DPYD: variants seen among roughly 807,000 people sequenced by gnomAD.
DPYD encodes dihydropyrimidine dehydrogenase.
In DPYD, 109 loss-of-function variants were observed where a neutral mutation model predicts 116.2. The ratio of observed to expected loss-of-function variants is 0.94; its 90% CI spans 0.80 to 1.10. The LOEUF (loss-of-function observed/expected upper bound fraction) is 1.10, where lower values mean the gene tolerates loss of function less well. Ranked by LOEUF, DPYD falls within the 50% of genes least tolerant of loss-of-function variation. DPYD has a pLI of 0.00. For synonymous variants in DPYD, 440 were observed against 432.0 expected (o/e 1.02, Z -0.23); for missense variants, 1,302 against 1,254.5 (o/e 1.04, Z -0.57).
intron 3 of DPYD, chr1:97,797,086 T>C (rs1479660854): frequency 6.6e-6 from 1 of 152,096 alleles, no homozygotes; most frequent in African/African-American, 2.4e-5. Flanking sequence ...ATGATCAAAT[T>C]GCCAGTTTAT....
intron 3 of DPYD, among the ~76,000 whole-genome samples, chr1:97,806,096 G>T (rs1024953415): frequency 1.1e-4 from 16 of 151,808 alleles, no homozygotes; most frequent in African/African-American, 3.9e-4. Context: ...CAATCTAACT[G>T]ATATTTATAG....
intron 16 of DPYD, among the ~76,000 whole-genome samples, chr1:97,348,839 A>C (rs1044061873): frequency 6.6e-6 from 1 of 152,266 alleles, no homozygotes; most frequent in Non-Finnish European, 1.5e-5. Flanking sequence ...ATGAAGGGGA[A>C]TATTGATCCA....
intron 20 of DPYD, 43 bp downstream of exon 20, chr1:97,193,026 A>C (rs755740762): frequency 1.9e-6 from 3 of 1,604,890 alleles, no homozygotes; most frequent in Non-Finnish European, 2.6e-6. Context: ...ATAGAAACCA[A>C]GGCTGAGTTC....
chr1:97,623,999 A>T (rs1049473469), intron 8 of DPYD, among the ~76,000 whole-genome samples: 1 of 152,070 alleles, frequency 6.6e-6, no homozygotes, highest in Non-Finnish European at 1.5e-5. Flanking sequence ...ATACTGAAAC[A>T]TAAAACCAGA....
intron 7 of DPYD, among the ~76,000 whole-genome samples, chr1:97,682,095 GA>G (rs1436868164): frequency 6.6e-6 from 1 of 151,994 alleles, no homozygotes; most frequent in Non-Finnish European, 1.5e-5. Flanking sequence ...ACAGCAGAGT[GA>G]AAATGTCTTT....
At chr1:97,461,060 G>T (rs1001618743) in intron 13 of DPYD, among the ~76,000 whole-genome samples, 1 of 150,584 alleles carries the variant, frequency 6.6e-6, no homozygotes, top group Non-Finnish European at 1.5e-5. Flanking sequence ...AAAGAAAGAA[G>T]CGATCACACT....
chr1:97,738,312 C>T (rs892201410), intron 4 of DPYD, among the ~76,000 whole-genome samples: 1 of 152,054 alleles, frequency 6.6e-6, no homozygotes, highest in African/African-American at 2.4e-5. Context: ...CTGCACAAAC[C>T]AAACAGAGAA....
chr1:97,418,314 T>G (rs970737325), intron 14 of DPYD, among the ~76,000 whole-genome samples: 1 of 151,644 alleles, frequency 6.6e-6, no homozygotes, highest in Non-Finnish European at 1.5e-5. Flanking sequence ...TGATTTTTTT[T>G]TTTTTTTTGA....
intron 5 of DPYD, among the ~76,000 whole-genome samples, chr1:97,713,189 C>T (rs185428467): frequency 2.5e-4 from 38 of 151,980 alleles, no homozygotes; most frequent in Admixed American, 1.8e-3. Context: ...TTTATACTAC[C>T]CTATATTATG....
At chr1:97,534,437 C>T (rs1234192158) in intron 12 of DPYD, among the ~76,000 whole-genome samples, 1 of 152,076 alleles carries the variant, frequency 6.6e-6, no homozygotes, top group Non-Finnish European at 1.5e-5. Context: ...AAAAGAACAT[C>T]ATGAGGAAAA....
intron 16 of DPYD, among the ~76,000 whole-genome samples, chr1:97,317,792 C>G (rs1667950216): frequency 6.6e-6 from 1 of 151,908 alleles, no homozygotes; most frequent in Admixed American, 6.6e-5. Flanking sequence ...CGCTTCTGTC[C>G]TGGGAATGTT....
chr1:97,871,637 T>C (rs1001678472), intron 2 of DPYD, among the ~76,000 whole-genome samples: 3 of 151,318 alleles, frequency 2.0e-5, no homozygotes, highest in African/African-American at 2.4e-5. Context: ...TATGCAAATA[T>C]AAGACAGTGC....
At chr1:97,564,581 T>C (rs1652387158) in intron 11 of DPYD, among the ~76,000 whole-genome samples, 1 of 152,116 alleles carries the variant, frequency 6.6e-6, no homozygotes, top group Admixed American at 6.6e-5. Flanking sequence ...CCTGCTTCAG[T>C]TGTTCAATAG....
At chr1:97,532,776 A>C (rs1014980631) in intron 12 of DPYD, among the ~76,000 whole-genome samples, 1 of 151,878 alleles carries the variant, frequency 6.6e-6, no homozygotes, top group East Asian at 1.9e-4. Context: ...TCAGATAACA[A>C]ATTGTCAATT....
intron 5 of DPYD, among the ~76,000 whole-genome samples, chr1:97,714,655 C>CAAAAAAAA (rs1193831747): frequency 7.2e-4 from 36 of 49,888 alleles, no homozygotes; most frequent in East Asian, 2.0e-3. Context: ...AAAGAAAAGA[C>CAAAAAAAA]AAAAAAAAAA....
intron 14 of DPYD, among the ~76,000 whole-genome samples, chr1:97,384,733 T>G (rs1672217285): frequency 6.6e-6 from 1 of 151,576 alleles, no homozygotes; most frequent in Non-Finnish European, 1.5e-5. Flanking sequence ...GAGAAGCAAT[T>G]AAAAAGAAGG....
chr1:97,278,258 C>A (rs1425432937), intron 18 of DPYD, among the ~76,000 whole-genome samples: 2 of 152,158 alleles, frequency 1.3e-5, no homozygotes, highest in Non-Finnish European at 2.9e-5. Context: ...TACTCAGGGG[C>A]TTCATCTCAT....
intron 19 of DPYD, among the ~76,000 whole-genome samples, chr1:97,206,672 A>T (rs1246240623): frequency 9.7e-6 from 1 of 103,224 alleles, no homozygotes; most frequent in Admixed American, 9.7e-5. Flanking sequence ...ATATATATAT[A>T]TATATATATA....
chr1:97,323,400 ATG>A (rs1570522202), intron 16 of DPYD, among the ~76,000 whole-genome samples: 2 of 38,522 alleles, frequency 5.2e-5, no homozygotes, highest in East Asian at 6.3e-4. Context: ...ATGTATACAT[ATG>A]TGTATATGTA....
Sources: allele counts gnomAD v4.1 joint callset (sites outside exome capture counted in the v4.1 genomes callset), GRCh38; gene constraint gnomAD v4.1.1; transcripts MANE v1.5; gene names NCBI Gene and HGNC (gene_info 2026-07-23, HGNC 2026-07-21).